PYGL: variants seen among roughly 807,000 people sequenced by gnomAD.
The protein encoded by PYGL is glycogen phosphorylase L.
Under a neutral mutation model 100.1 loss-of-function variants are expected in PYGL, and 90 were observed. That is an observed-to-expected ratio of 0.90 (90% confidence interval 0.76 to 1.07). The LOEUF is 1.07. PYGL is among the 50% of genes least tolerant of loss of function. PYGL has a pLI of 0.00. For missense variants in PYGL, 1,016 were observed against 1,057.6 expected (o/e 0.96, Z 0.55); for synonymous variants, 373 against 393.0 (o/e 0.95, Z 0.60).
chr14:50,919,881 G>A (rs1039811495), intron 7 of PYGL, among the ~76,000 whole-genome samples: 4 of 151,840 alleles, frequency 2.6e-5, no homozygotes, highest in East Asian at 3.9e-4. Flanking sequence ...ACAGGGTTTC[G>A]TCATGTTGGC....
At chr14:50,927,978 G>A (rs560768725) in intron 4 of PYGL, among the ~76,000 whole-genome samples, 7 of 152,270 alleles carry the variant, frequency 4.6e-5, no homozygotes, top group African/African-American at 1.7e-4. Context: ...GGTAGGGGTG[G>A]GGGGCCAAGG....
At chr14:50,920,655 GA>G (rs2050492150) in intron 6 of PYGL, 32 bp from the exon 7 acceptor site, 1 of 1,561,188 alleles carries the variant, frequency 6.4e-7, no homozygotes, top group Non-Finnish European at 8.8e-7. Context: ...AATAAATAGA[GA>G]AACCAGCCAT....
In PYGL at chr14:50,937,800, C is replaced by T. The variant is rs751894444; in HGVS notation, c.281G>A (p.Arg94Gln). ...YYLSLEFYMG[R>Q]TLQNTMINLG... Reference sequence around the variant, plus strand: ...GTTGATCATGGTGTTCTGTAATGTTCGGCCCATGTAAAATTCCAGAGAGAG... The same window carrying T: ...GTTGATCATGGTGTTCTGTAATGTTTGGCCCATGTAAAATTCCAGAGAGAG... The change falls in exon 2 of 20, where the codon CGA (arginine) becomes CAA (glutamine). Residue 94 changes from arginine to glutamine, a missense_variant. Transcript: ENST00000216392. 1.3e-5 allele frequency: 21 copies of T among 1,613,848 alleles called. No homozygotes were observed. The highest frequency in any genetic ancestry group is 1.7e-5 in the Admixed American group (1 of 59,998).
chr14:50,926,046 A>G (rs2050544936), intron 4 of PYGL, among the ~76,000 whole-genome samples: 1 of 152,220 alleles, frequency 6.6e-6, no homozygotes, highest in Non-Finnish European at 1.5e-5. Flanking sequence ...AATAACTGTA[A>G]TCTGTAATTC....
intron 2 of PYGL, 58 bp from the exon 3 acceptor site, chr14:50,935,243 G>A (rs1327744741): frequency 7.3e-7 from 1 of 1,364,428 alleles, no homozygotes. Flanking sequence ...CATTCAGAGG[G>A]ACAGCCATTT....
At chr14:50,938,693 T>C (rs912652074) in intron 1 of PYGL, among the ~76,000 whole-genome samples, 1 of 152,160 alleles carries the variant, frequency 6.6e-6, no homozygotes, top group Non-Finnish European at 1.5e-5. Context: ...GGCAAAGCAC[T>C]ATTTTTGGCG....
At chr14:50,931,837 CTT>C in intron 3 of PYGL, 61 bp from the exon 4 acceptor site, 1 of 1,416,088 alleles carries the variant, frequency 7.1e-7, no homozygotes, top group Admixed American at 1.7e-5. Context: ...AATTTCCAGT[CTT>C]TCCCTAAAAC....
chr14:50,915,598 A>C, intron 10 of PYGL, 99 bp from the exon 11 acceptor site: 1 of 1,507,486 alleles, frequency 6.6e-7, no homozygotes, highest in Non-Finnish European at 9.1e-7. Flanking sequence ...GGTGTACTCA[A>C]TATAAACTTC....
chr14:50,926,208 G>A (rs1319971327), intron 4 of PYGL, among the ~76,000 whole-genome samples: 3 of 152,016 alleles, frequency 2.0e-5, no homozygotes, highest in African/African-American at 4.8e-5. Context: ...AAAATTAGCC[G>A]AGTGTGGTGG....
At chr14:50,944,031 C>T in intron 1 of PYGL, 130 bp downstream of exon 1, 1 of 1,271,566 alleles carries the variant, frequency 7.9e-7, no homozygotes, top group Non-Finnish European at 1.1e-6. Flanking sequence ...GACACGTCTC[C>T]TCTGGACTTC....
At chr14:50,934,248 T>C (rs1327594287) in intron 3 of PYGL, among the ~76,000 whole-genome samples, 1 of 152,200 alleles carries the variant, frequency 6.6e-6, no homozygotes, top group South Asian at 2.1e-4. Context: ...ATAATATTAG[T>C]GTATCATTGC....
At position 50,909,778 on chromosome 14, in the gene PYGL, C is replaced by G. The variant is rs957228373; in HGVS notation, c.2177+117G>C. 4 of 1,171,042 alleles carry G rather than the reference C, an allele frequency of 3.4e-6. No homozygotes were observed. In the African/African-American group the frequency reaches 6.0e-5, roughly 18 times the overall value. The allele number at this position is 1,171,042 out of a possible 1,614,324, so 72.5% of individuals were successfully genotyped here. A position where few individuals can be genotyped will look rare whatever the true frequency, so the allele number is the denominator to read the frequency against. Reference sequence around the variant, plus strand: ...CATCGTGGGAGATGTTCTGCTGCCACCTCTTATGTGATCCAATTTCAGTGG... The same window carrying G: ...CATCGTGGGAGATGTTCTGCTGCCAGCTCTTATGTGATCCAATTTCAGTGG... On this transcript the variant is annotated intron_variant, in intron 17 of 19. Transcript: ENST00000216392.
intron 16 of PYGL, 121 bp from the exon 17 acceptor site, chr14:50,910,223 A>G: frequency 9.4e-7 from 1 of 1,061,426 alleles, no homozygotes; most frequent in Non-Finnish European, 1.4e-6. Context: ...CATTAAGATA[A>G]ACATTCAAAT....
chr14:50,917,072 C>T lies in PYGL; in HGVS notation c.889G>A (p.Glu297Lys), dbSNP rs754047760. 6.2e-7 allele frequency: 1 copy of T among 1,613,844 alleles called. No individual in the cohort carries two copies. Among genetic ancestry groups the T allele is most frequent in the East Asian group, 2.2e-5 (1 of 44,892 alleles). Residue 297 changes from glutamate to lysine, a missense_variant, in exon 8 of 20, where the codon GAA becomes AAA. Physicochemically the swap from Glu to Lys is moderately conservative, Grantham distance 56. Transcript: ENST00000216392. ...AAGGTTGCAGCCACCACAAAGTATT[C>T]CTGCTTCAATCTTAGCTCCTTCCCT... ...FEGKELRLKQ[E>K]YFVVAATLQD...
At chr14:50,941,012 G>A (rs961525699) in intron 1 of PYGL, among the ~76,000 whole-genome samples, 1 of 152,124 alleles carries the variant, frequency 6.6e-6, no homozygotes, top group Admixed American at 6.5e-5. Context: ...GGGTACAGAG[G>A]GTAATGGAAG....
chr14:50,908,139 GT>G lies in PYGL; in HGVS notation c.2379+131del, dbSNP rs370516973. 13,564 of 498,762 alleles carry G rather than the reference GT, an allele frequency of 0.027. 147 individuals are homozygous for G. The highest frequency in any genetic ancestry group is 0.061 in the African/African-American group (2,806 of 46,352). The allele number at this position is 498,762 out of a possible 1,614,324, so 30.9% of individuals were successfully genotyped here. A position where few individuals can be genotyped will look rare whatever the true frequency, so the allele number is the denominator to read the frequency against. ...TTGTGGTTGTTTGTTTGTTTTTGTT[GT>G]TTTTTTTTTGATTGCTTAATGGGGA... On this transcript the variant is annotated intron_variant, in intron 19 of 19. Coordinates refer to ENST00000216392, the MANE Select transcript of PYGL (RefSeq NM_002863.5).
chr14:50,911,783 C>A lies in PYGL; in HGVS notation c.1916G>T (p.Ser639Ile). The A allele has an allele frequency of 6.2e-7, 1 of 1,614,172 alleles. No individual in the cohort carries two copies. The highest frequency in any genetic ancestry group is 1.1e-5 in the South Asian group (1 of 91,086). ...CTCCAAGAAGATGACTTTCAACTTG[C>A]TTCCAACCATAGGGTCATTGTTCAC... ...DVVNNDPMVG[S>I]KLKVIFLENY... Residue 639 changes from serine to isoleucine, a missense_variant, in exon 16 of 20, where the codon AGC becomes ATC. Physicochemically the swap from Ser to Ile is moderately radical, Grantham distance 142 (BLOSUM62 -2). Transcript: ENST00000216392.
At chr14:50,932,755 GTCCC>G (rs1417669682) in intron 3 of PYGL, among the ~76,000 whole-genome samples, 2 of 152,168 alleles carry the variant, frequency 1.3e-5, no homozygotes, top group African/African-American at 2.4e-5. Context: ...TAATCAGATT[GTCCC>G]TCCCAGGAAT....
At chr14:50,932,783 T>C (rs2050613853) in intron 3 of PYGL, among the ~76,000 whole-genome samples, 1 of 152,148 alleles carries the variant, frequency 6.6e-6, no homozygotes, top group Non-Finnish European at 1.5e-5. Context: ...AGCTGAGAAA[T>C]ATACACAGAA....
Sources: allele counts gnomAD v4.1 joint callset (sites outside exome capture counted in the v4.1 genomes callset), GRCh38; gene constraint gnomAD v4.1.1; transcripts MANE v1.5; gene names NCBI Gene and HGNC (gene_info 2026-07-23, HGNC 2026-07-21).